PCDHGB2: variants seen among roughly 807,000 people sequenced by gnomAD.
PCDHGB2 encodes protocadherin gamma subfamily B, 2.
In PCDHGB2, 55 loss-of-function variants were observed where a neutral mutation model predicts 59.3. The ratio of observed to expected loss-of-function variants is 0.93; its 90% CI spans 0.75 to 1.16. The LOEUF is 1.16. PCDHGB2 is among the 50% of genes most tolerant of loss of function. PCDHGB2 has a pLI of 0.00. For synonymous variants in PCDHGB2, 516 were observed against 512.0 expected (o/e 1.01, Z -0.11); for missense variants, 1,228 against 1,198.5 (o/e 1.02, Z -0.36).
Position 141,491,420 on chromosome 5 carries a change from G to A in PCDHGB2, c.2422-3387G>A, listed in dbSNP as rs2099713954. 1.2e-6 allele frequency: 2 copies of A among 1,614,004 alleles called. No homozygotes were observed. The highest frequency in any genetic ancestry group is 2.2e-5 in the South Asian group (2 of 91,090). On this transcript the variant is annotated intron_variant, in intron 1 of 3. Transcript: ENST00000522605. This position sits in a 1 kb window ranked among gnomAD's most constrained non-coding sequence, Gnocchi z 6.9. ...GGAAACGCAGACGGGGACGGGGGTG[G>A]AGGGCAGTGCTGCAGGCGCCAGGAC...
Position 141,491,573 on chromosome 5 carries a change from T to G in PCDHGB2, c.2422-3234T>G. The G allele has an allele frequency of 6.2e-7, 1 of 1,613,912 alleles. No individual in the cohort carries two copies. The highest frequency in any genetic ancestry group is 8.5e-7 in the Non-Finnish European group (1 of 1,180,030). The stretch of plus-strand genomic sequence containing the variant: ...CAGAGCCACTGCTACAGGACGTGCT[T>G]TTCACCGGCCTCGGACGGCAGTGAC... On this transcript the variant is annotated intron_variant, in intron 1 of 3. Transcript: ENST00000522605. The surrounding 1 kb of genome is among the most constrained non-coding windows in gnomAD (Gnocchi z 6.9).
rs2099419063 is a variant in PCDHGB2 at position 141,477,824 on chromosome 5, C to G, written c.2422-16983C>G. On this transcript the variant is annotated intron_variant, in intron 1 of 3. Coordinates refer to ENST00000522605, the MANE Select transcript of PCDHGB2 (RefSeq NM_018923.3). This position sits in a 1 kb window ranked among gnomAD's most constrained non-coding sequence, Gnocchi z 4.9. ...TGACAATGCCCCCCAGGTCCTATAT[C>G]CTCGGCCAGGTGGGAGCTCGGTGGA... is the stretch of plus-strand genomic sequence containing the variant. 5.6e-6 allele frequency: 9 copies of G among 1,614,196 alleles called. No individual in the cohort carries two copies. The highest frequency in any genetic ancestry group is 5.9e-6 in the Non-Finnish European group (7 of 1,180,034).
chr5:141,489,271 G>A lies in PCDHGB2; in HGVS notation c.2422-5536G>A, dbSNP rs1431562179. The A allele has an allele frequency of 2.4e-5, 37 of 1,554,676 alleles. No individual in the cohort carries two copies. The highest frequency in any genetic ancestry group is 3.0e-5 in the Non-Finnish European group (35 of 1,150,770). ...GCCCAAGACACTCCCACAGCTCGCT[G>A]GGAAATGGCAAGTGCTGTGCATGTT... On this transcript the variant is annotated intron_variant, in intron 1 of 3. Transcript: ENST00000522605. The surrounding 1 kb of genome is among the most constrained non-coding windows in gnomAD (Gnocchi z 4.5).
intron 1 of PCDHGB2, chr5:141,416,482 A>G (rs1009921478): frequency 6.6e-6 from 1 of 152,210 alleles, no homozygotes; most frequent in East Asian, 1.9e-4. Context: ...TGTTCCCGAG[A>G]ACAGGAGCAA....
chr5:141,463,927 A>G (rs1454864391), intron 1 of PCDHGB2, among the ~76,000 whole-genome samples: 1 of 152,206 alleles, frequency 6.6e-6, no homozygotes, highest in Non-Finnish European at 1.5e-5. Flanking sequence ...AAATCATTCT[A>G]TATAAATTTA....
intron 1 of PCDHGB2, among the ~76,000 whole-genome samples, chr5:141,480,187 T>TGAGGCCAGCAGTTC (rs2099513839): frequency 6.6e-6 from 1 of 151,380 alleles, no homozygotes; most frequent in Admixed American, 6.6e-5. Context: ...GCGGATTGCT[T>TGAGGCCAGCAGTTC]GAGGCCAGCA....
chr5:141,422,913 G>T, intron 1 of PCDHGB2: 1 of 1,614,248 alleles, frequency 6.2e-7, no homozygotes, highest in Non-Finnish European at 8.5e-7. Context: ...ATGCGCCCGA[G>T]ATCCTGTACC....
At chr5:141,375,187 T>A in intron 1 of PCDHGB2, 1 of 1,613,994 alleles carries the variant, frequency 6.2e-7, no homozygotes, top group Non-Finnish European at 8.5e-7. Flanking sequence ...TAATCGCCCT[T>A]TTTCAAGTGT....
chr5:141,405,401 TC>T (rs1176566209), intron 1 of PCDHGB2: 1 of 1,591,534 alleles, frequency 6.3e-7, no homozygotes, highest in Non-Finnish European at 8.6e-7. Flanking sequence ...TTTCTTTCTT[TC>T]TTTTCTTTTT....
At position 141,494,872 on chromosome 5, in the gene PCDHGB2, G is replaced by T. The variant is rs917132299; in HGVS notation, c.2480+7G>T. On this transcript the variant is annotated splice_region_variant and intron_variant, in intron 2 of 3. Transcript: ENST00000522605. The stretch of plus-strand genomic sequence containing the variant: ...AGAGACCCGGCACCAGCGGGTAGGT[G>T]ACTGATTCTCCAGCCCACCCTCTTC... 7 of 1,614,010 alleles carry T rather than the reference G, an allele frequency of 4.3e-6. No homozygotes were observed. The highest frequency in any genetic ancestry group is 1.3e-5 in the African/African-American group (1 of 74,910).
chr5:141,468,832 C>G (rs530307522), intron 1 of PCDHGB2, among the ~76,000 whole-genome samples: 1 of 152,164 alleles, frequency 6.6e-6, no homozygotes, highest in South Asian at 2.1e-4. Flanking sequence ...AGCCACTGCA[C>G]TCCAGCCTGG....
In PCDHGB2 at chr5:141,375,335, T is replaced by A. The variant is rs781205937; in HGVS notation, c.2421+12779T>A. On this transcript the variant is annotated intron_variant, in intron 1 of 3. Transcript: ENST00000522605. ...TCTAGACCGGGAAGAGGTATTCTTG[T>A]ACAACATCACTGTGACAGCCACGGA... is the stretch of plus-strand genomic sequence containing the variant. 1.7e-5 allele frequency: 27 copies of A among 1,613,694 alleles called. No homozygotes were observed. The Admixed American group carries it at 3.8e-4, about 23-fold the overall frequency.
intron 1 of PCDHGB2, among the ~76,000 whole-genome samples, chr5:141,429,890 C>A (rs2097251428): frequency 6.6e-6 from 1 of 152,112 alleles, no homozygotes; most frequent in African/African-American, 2.4e-5. Context: ...GTTTCCTGAA[C>A]AATAAATATT....
At chr5:141,483,555 C>CAG (rs1415499107) in intron 1 of PCDHGB2, among the ~76,000 whole-genome samples, 2 of 152,152 alleles carry the variant, frequency 1.3e-5, no homozygotes, top group African/African-American at 4.8e-5. Flanking sequence ...GTGCCATTCA[C>CAG]AGAGACAGTG....
chr5:141,497,957 A>G (rs2099780682), intron 2 of PCDHGB2, among the ~76,000 whole-genome samples: 1 of 152,242 alleles, frequency 6.6e-6, no homozygotes, highest in Non-Finnish European at 1.5e-5. Flanking sequence ...TCTGTTGGCC[A>G]GGCAGTGTTC....
At chr5:141,387,829 G>A (rs2091112194) in intron 1 of PCDHGB2, 1 of 1,591,650 alleles carries the variant, frequency 6.3e-7, no homozygotes, top group African/African-American at 1.3e-5. Flanking sequence ...CAATACAGAG[G>A]TTATTTGTAA....
At chr5:141,402,221 G>T (rs567791316) in intron 1 of PCDHGB2, among the ~76,000 whole-genome samples, 1 of 151,824 alleles carries the variant, frequency 6.6e-6, no homozygotes, top group East Asian at 1.9e-4. Flanking sequence ...TAAAATAAAC[G>T]TTTTTCCAGG....
rs567684479 is a variant in PCDHGB2 at position 141,432,875 on chromosome 5, G to T, written c.2422-61932G>T. The T allele has an allele frequency of 6.2e-7, 1 of 1,614,178 alleles. No individual in the cohort carries two copies. Among genetic ancestry groups the T allele is most frequent in the South Asian group, 1.1e-5 (1 of 91,084 alleles). ...GGCCGCGGTCTCCTGCGTCTTCCTG[G>T]CCTTCGTCATCTTGCTGCTGGCGCT... On this transcript the variant is annotated intron_variant, in intron 1 of 3. Coordinates refer to ENST00000522605, the MANE Select transcript of PCDHGB2 (RefSeq NM_018923.3). This position sits in a 1 kb window ranked among gnomAD's most constrained non-coding sequence, Gnocchi z 6.0.
In PCDHGB2 at chr5:141,503,070, G is replaced by A. The variant is rs868143537; in HGVS notation, c.2481-2323G>A. 1.5e-4 allele frequency among the ~76,000 whole-genome samples: 23 copies of A among 151,614 alleles called. No individual in the cohort carries two copies. The Middle Eastern group carries it at 0.01, about 68-fold the overall frequency. On this transcript the variant is annotated intron_variant, in intron 2 of 3. Coordinates refer to ENST00000522605, the MANE Select transcript of PCDHGB2 (RefSeq NM_018923.3). ...GGGTTTCACCATGTTGGTCAGAATGGTCTCGATCTCCTGACCTCGTGGTCT... is the reference window on the plus strand; with the variant it reads ...GGGTTTCACCATGTTGGTCAGAATGATCTCGATCTCCTGACCTCGTGGTCT...
Sources: allele counts gnomAD v4.1 joint callset (sites outside exome capture counted in the v4.1 genomes callset), GRCh38; gene constraint gnomAD v4.1.1; non-coding constraint Gnocchi (gnomAD v3.1); transcripts MANE v1.5; gene names NCBI Gene and HGNC (gene_info 2026-07-23, HGNC 2026-07-21).